Variants in RSBN1L observed in about 807,000 individuals in gnomAD.
RSBN1L encodes the protein round spermatid basic protein 1 like.
A neutral mutation model predicts 67.7 loss-of-function variants in RSBN1L; 30 were observed. The ratio of observed to expected loss-of-function variants is 0.44; its 90% CI spans 0.33 to 0.60. The LOEUF (loss-of-function observed/expected upper bound fraction) is 0.60. RSBN1L is among the 20% of genes least tolerant of loss of function. The pLI, the probability that RSBN1L is intolerant of heterozygous loss-of-function variation, is 0.02. For missense variants in RSBN1L, 992 were observed against 1,031.7 expected, an observed-to-expected ratio of 0.96 and a Z score of 0.53; for synonymous variants, 433 against 387.0, an observed-to-expected ratio of 1.12 and a Z score of -1.39.
chr7:77,734,557 C>T (rs1791308486), intron 1 of RSBN1L, among the ~76,000 whole-genome samples: 1 of 151,698 alleles, frequency 6.6e-6, no homozygotes, highest in African/African-American at 2.4e-5. Flanking sequence ...GGCATGATCT[C>T]GGCTCACTGC....
rs778810324 is a variant in RSBN1L at position 77,696,553 on chromosome 7, G to A, written c.84G>A (p.Lys28=). Residue 28 remains lysine (K), a synonymous_variant, in exon 1 of 8, where the codon AAG becomes AAA. Coordinates refer to ENST00000334955, the MANE Select transcript of RSBN1L (RefSeq NM_198467.3). ...ATVSEKEPFG[K]LQLSSRDPPG... ...TCTCGGAGAAAGAACCGTTTGGCAAGCTGCAACTCTCCTCCCGGGACCCTC... is the reference window on the plus strand; with the variant it reads ...TCTCGGAGAAAGAACCGTTTGGCAAACTGCAACTCTCCTCCCGGGACCCTC... 4.3e-6 allele frequency: 7 copies of A among 1,614,104 alleles called. No individual in the cohort carries two copies. Among genetic ancestry groups the A allele is most frequent in the Non-Finnish European group, 5.9e-6 (7 of 1,180,018 alleles).
At chr7:77,774,468 A>G (rs1199618580) in intron 6 of RSBN1L, among the ~76,000 whole-genome samples, 1 of 152,110 alleles carries the variant, frequency 6.6e-6, no homozygotes, top group African/African-American at 2.4e-5. Flanking sequence ...GTGGCTCACA[A>G]CTGTAATCCC....
chr7:77,702,115 A>G (rs1562792079), intron 1 of RSBN1L, among the ~76,000 whole-genome samples: 1 of 151,576 alleles, frequency 6.6e-6, no homozygotes, highest in Non-Finnish European at 1.5e-5. Context: ...ACAGGCGCAC[A>G]CCACCACACC....
At chr7:77,740,627 T>A (rs1177636008) in intron 2 of RSBN1L, among the ~76,000 whole-genome samples, 1 of 152,250 alleles carries the variant, frequency 6.6e-6, no homozygotes, top group East Asian at 1.9e-4. Context: ...TAAATTTTTC[T>A]GAATTTTGTT....
At chr7:77,725,243 A>AATTTTTTTTTTTTTTT (rs1554338354) in intron 1 of RSBN1L, among the ~76,000 whole-genome samples, 10 of 57,884 alleles carry the variant, frequency 1.7e-4, no homozygotes, top group African/African-American at 8.8e-4. Context: ...TAAGCCCCCC[A>AATTTTTTTTTTTTTTT]CTTTTTTTTT....
intron 2 of RSBN1L, among the ~76,000 whole-genome samples, chr7:77,744,173 G>A (rs1017232222): frequency 6.6e-6 from 1 of 151,446 alleles, no homozygotes; most frequent in Non-Finnish European, 1.5e-5. Flanking sequence ...CTGGGACTAC[G>A]GGCATGTACC....
chr7:77,768,790 T>C lies in RSBN1L; in HGVS notation c.1612T>C (p.Phe538Leu), dbSNP rs1791808055. 6.2e-7 allele frequency: 1 copy of C among 1,613,938 alleles called. No individual in the cohort carries two copies. Among genetic ancestry groups the C allele is most frequent in the African/African-American group, 1.3e-5 (1 of 74,922 alleles). The change falls in exon 5 of 8, where the codon TTC becomes CTC. Residue 538 changes from phenylalanine to leucine, a missense_variant. Around this residue, in one of 7 missense-constraint regions of RSBN1L, gnomAD observed 67 missense variants for 130.5 expected, o/e 0.51. Transcript: ENST00000334955. ...TGTGGCTGATATGCCAAAGTCACCT[T>C]TCAAAAGGAAAAGGTATGTTGTATA... Reference protein sequence around the residue: ...IPVADMPKSPFKRKRTTNEIK... With the variant: ...IPVADMPKSPLKRKRTTNEIK...
intron 1 of RSBN1L, chr7:77,697,319 T>G: frequency 2.8e-6 from 1 of 351,844 alleles, no homozygotes; most frequent in Non-Finnish European, 5.0e-6. Flanking sequence ...CTGCAGGATT[T>G]GTGAAAATCC....
intron 1 of RSBN1L, among the ~76,000 whole-genome samples, chr7:77,723,442 C>T (rs1025664704): frequency 8.6e-5 from 13 of 151,984 alleles, no homozygotes; most frequent in Non-Finnish European, 1.8e-4. Context: ...TATGCATATT[C>T]AGAATACATA....
chr7:77,745,031 G>A (rs1298409183), intron 2 of RSBN1L, among the ~76,000 whole-genome samples: 1 of 152,154 alleles, frequency 6.6e-6, no homozygotes, highest in Non-Finnish European at 1.5e-5. Flanking sequence ...GGAGGCTGAG[G>A]CGGGTGGATC....
rs1027340930 is a variant in RSBN1L, at chr7:77,753,365, C to A, written c.1344+3301C>A. Among the ~76,000 whole-genome samples the A allele has an allele frequency of 5.9e-5, 9 of 152,088 alleles. 1 individual carries two copies. Among genetic ancestry groups the A allele is most frequent in the African/African-American group, 2.2e-4 (9 of 41,428 alleles). On this transcript the variant is annotated intron_variant, in intron 3 of 7. Transcript: ENST00000334955. ...CTCCCTGTGGTTTAATTTGTATTTC[C>A]CTGATGACTAAGGATGTCAAGTACC...
chr7:77,749,394 T>C (rs867754899), intron 2 of RSBN1L, 30 bp from the exon 3 acceptor site: 11 of 1,463,164 alleles, frequency 7.5e-6, no homozygotes, highest in African/African-American at 2.9e-5. Flanking sequence ...AATTAAAATA[T>C]GGAGTTTCAA....
chr7:77,703,017 C>T (rs1450635382), intron 1 of RSBN1L, among the ~76,000 whole-genome samples: 1 of 152,116 alleles, frequency 6.6e-6, no homozygotes, highest in East Asian at 1.9e-4. Flanking sequence ...ATGATTCAGT[C>T]CATAGTGAAG....
intron 6 of RSBN1L, among the ~76,000 whole-genome samples, chr7:77,777,495 T>C (rs989388379): frequency 2.6e-5 from 4 of 152,068 alleles, no homozygotes; most frequent in African/African-American, 9.7e-5. Context: ...AGGATATTTT[T>C]TGGTGGATAT....
At chr7:77,754,385 T>A (rs1791591154) in intron 3 of RSBN1L, among the ~76,000 whole-genome samples, 1 of 152,224 alleles carries the variant, frequency 6.6e-6, no homozygotes, top group Non-Finnish European at 1.5e-5. Context: ...TCGATGCCTT[T>A]ACAACATTGA....
At chr7:77,723,275 T>G (rs1238350137) in intron 1 of RSBN1L, among the ~76,000 whole-genome samples, 1 of 152,064 alleles carries the variant, frequency 6.6e-6, no homozygotes, top group African/African-American at 2.4e-5. Flanking sequence ...CAACATTTCT[T>G]AAGAACTTCC....
Position 77,773,235 on chromosome 7 carries a change from G to A in RSBN1L, c.1714G>A (p.Ala572Thr). Reference sequence around the variant, plus strand: ...CTTTGAAGACAGGACAAGAGCTCATGCAGATCATATAGGACAAGGTTTTGA... The same window carrying A: ...CTTTGAAGACAGGACAAGAGCTCATACAGATCATATAGGACAAGGTTTTGA... The part of the protein sequence containing the change: ...MLFEDRTRAH[A>T]DHIGQGFERQ... The change falls in exon 6 of 8, where the codon GCA becomes ACA. Residue 572 changes from alanine to threonine, a missense_variant. By Grantham distance (58) the Ala-to-Thr change is moderately conservative (BLOSUM62 0). Transcript: ENST00000334955. 2 of 1,613,586 alleles carry A rather than the reference G, an allele frequency of 1.2e-6. No individual in the cohort carries two copies. The highest frequency in any genetic ancestry group is 8.5e-7 in the Non-Finnish European group (1 of 1,179,656).
chr7:77,766,123 C>T (rs1471240626), intron 4 of RSBN1L, among the ~76,000 whole-genome samples: 1 of 152,182 alleles, frequency 6.6e-6, no homozygotes, highest in African/African-American at 2.4e-5. Flanking sequence ...TGGGCAAGCC[C>T]TTTAAACTTT....
At position 77,736,322 on chromosome 7, in the gene RSBN1L, G is replaced by A. The variant is rs573815151; in HGVS notation, c.587-88G>A. ...CTCATTCTGATTTTCTTTGTGTATT[G>A]TAATTCCAGAAATTTACCTATAGTT... On this transcript the variant is annotated intron_variant, in intron 1 of 7. Coordinates refer to ENST00000334955, the MANE Select transcript of RSBN1L (RefSeq NM_198467.3). 23 of 570,848 alleles carry A rather than the reference G, an allele frequency of 4.0e-5. No individual in the cohort carries two copies. In the African/African-American group the frequency reaches 4.4e-4, roughly 11 times the overall value. 35.4% of individuals were successfully genotyped at this position (570,848 alleles called of 1,614,324 possible). A position where few individuals can be genotyped will look rare whatever the true frequency, so the allele number is the denominator to read the frequency against.
Sources: allele counts gnomAD v4.1 joint callset (sites outside exome capture counted in the v4.1 genomes callset), GRCh38; gene constraint gnomAD v4.1.1; regional missense constraint gnomAD v4.1.1; transcripts MANE v1.5; gene names NCBI Gene and HGNC (gene_info 2026-07-23, HGNC 2026-07-21).